Variants in SLC22A15 observed in about 807,000 individuals in gnomAD.
SLC22A15 encodes flipt 1.
A neutral mutation model predicts 62.7 loss-of-function variants in SLC22A15; 45 were observed. The ratio of observed to expected loss-of-function variants is 0.72; its 90% confidence interval spans 0.56 to 0.92. The LOEUF (loss-of-function observed/expected upper bound fraction) is 0.92, where lower values mean the gene tolerates loss of function less well. SLC22A15 is among the 40% of genes least tolerant of loss of function. SLC22A15 has a pLI of 0.00. For synonymous variants in SLC22A15, 264 were observed against 267.0 expected (o/e 0.99, Z 0.11); for missense variants, 622 against 665.6 (o/e 0.93, Z 0.72).
At chr1:116,048,257 GATC>G (rs1461908664) in intron 8 of SLC22A15, among the ~76,000 whole-genome samples, 52 of 152,164 alleles carry the variant, frequency 3.4e-4, no homozygotes, top group Non-Finnish European at 1.5e-5. Flanking sequence ...ATCACAAAAA[GATC>G]ATCACCTAGG....
chr1:115,992,001 G>A (rs749492051), intron 1 of SLC22A15, 30 bp from the exon 2 acceptor site: 5 of 1,590,510 alleles, frequency 3.1e-6, no homozygotes, highest in East Asian at 2.2e-5. Context: ...AATATCTGCA[G>A]TGTTTGGTTC....
chr1:115,978,031 A>G (rs1006365142), intron 1 of SLC22A15, among the ~76,000 whole-genome samples: 1 of 152,118 alleles, frequency 6.6e-6, no homozygotes, highest in African/African-American at 2.4e-5. Context: ...CCCCAGGGAG[A>G]AAAAACGTTC....
intron 8 of SLC22A15, among the ~76,000 whole-genome samples, chr1:116,052,630 C>A (rs899153532): frequency 6.6e-6 from 1 of 152,210 alleles, no homozygotes; most frequent in South Asian, 2.1e-4. Context: ...CCCTGACCCC[C>A]GAGCAGCCTA....
chr1:115,991,848 G>A (rs866353107), intron 1 of SLC22A15, among the ~76,000 whole-genome samples, 183 bp from the exon 2 acceptor site: 6 of 152,340 alleles, frequency 3.9e-5, no homozygotes, highest in Middle Eastern at 3.4e-3. Context: ...GATTCTGTTC[G>A]TGGTAGATCA....
chr1:116,060,849 C>T (rs143284161), intron 8 of SLC22A15, among the ~76,000 whole-genome samples: 170 of 152,284 alleles, frequency 1.1e-3, no homozygotes, highest in Admixed American at 1.8e-3. Context: ...GAGCTAACAT[C>T]GTCTTCCAAA....
chr1:115,981,417 C>G (rs186867747), intron 1 of SLC22A15, among the ~76,000 whole-genome samples: 9 of 152,298 alleles, frequency 5.9e-5, no homozygotes, highest in African/African-American at 2.2e-4. Flanking sequence ...ACACAGTGGC[C>G]TGGAGGTTGG....
chr1:116,069,040 C>T lies in SLC22A15; in HGVS notation c.*1932C>T, dbSNP rs1241139184. The T allele has an allele frequency of 6.6e-6, 1 of 152,178 alleles. No individual in the cohort carries two copies. The highest frequency in any genetic ancestry group is 2.4e-5 in the African/African-American group (1 of 41,454). The allele number at this position is 152,178 out of a possible 1,614,324, so 9.4% of individuals were successfully genotyped here. ...GTTATGACTTTGTTCCATTTGAAGA[C>T]TAATTGGGAGTCCATCTCTCTATTG... On this transcript the variant is annotated 3_prime_UTR_variant, in exon 12 of 12. Coordinates refer to ENST00000369503, the MANE Select transcript of SLC22A15 (RefSeq NM_018420.3).
At chr1:116,000,560 G>A (rs1186912793) in intron 2 of SLC22A15, among the ~76,000 whole-genome samples, 1 of 147,174 alleles carries the variant, frequency 6.8e-6, no homozygotes, top group Non-Finnish European at 1.5e-5. Context: ...ATAATATTCT[G>A]TATTTGTCTG....
intron 1 of SLC22A15, among the ~76,000 whole-genome samples, chr1:115,986,312 G>T (rs1378328512): frequency 6.6e-6 from 1 of 152,116 alleles, no homozygotes; most frequent in Non-Finnish European, 1.5e-5. Flanking sequence ...ATAGCAGTGT[G>T]TTGGGTTCTT....
intron 8 of SLC22A15, among the ~76,000 whole-genome samples, chr1:116,059,166 C>T (rs1658309991): frequency 6.6e-6 from 1 of 152,082 alleles, no homozygotes; most frequent in African/African-American, 2.4e-5. Context: ...ATTAAAATGA[C>T]AAAAATTACA....
chr1:116,032,465 G>A (rs772686933), intron 6 of SLC22A15: 3 of 985,108 alleles, frequency 3.0e-6, no homozygotes, highest in Non-Finnish European at 3.6e-6. Flanking sequence ...TTTCATGCAG[G>A]GATAAAGGAA....
intron 4 of SLC22A15, among the ~76,000 whole-genome samples, chr1:116,025,198 A>G (rs773113646): frequency 1.3e-5 from 2 of 152,142 alleles, no homozygotes; most frequent in Non-Finnish European, 2.9e-5. Flanking sequence ...TTCCTCTGAA[A>G]CCATCCCTCC....
Position 116,031,505 on chromosome 1 carries a change from A to G in SLC22A15, c.868A>G (p.Arg290Gly). 1 of 1,614,038 alleles carries G rather than the reference A, an allele frequency of 6.2e-7. No individual in the cohort carries two copies. Among genetic ancestry groups the G allele is most frequent in the Non-Finnish European group, 8.5e-7 (1 of 1,179,872 alleles). The change falls in exon 6 of 12, where the codon AGG becomes GGG. Residue 290 changes from arginine (R) to glycine (G), a missense_variant. By Grantham distance (125) the Arg-to-Gly change is moderately radical. Transcript: ENST00000369503. ...SLTHPANRSC[R>G]ETGSFLDLFR... ...AACACACCCAGCCAACAGGAGCTGC[A>G]GGGAGACTGGAAGTTTCCTGGATCT... is the stretch of plus-strand genomic sequence containing the variant.
chr1:116,038,299 A>G (rs1657686844), intron 8 of SLC22A15, among the ~76,000 whole-genome samples: 1 of 152,182 alleles, frequency 6.6e-6, no homozygotes, highest in Non-Finnish European at 1.5e-5. Context: ...TGCATGAAGA[A>G]TTCATTTTTT....
At chr1:116,003,622 G>A (rs554037035) in intron 2 of SLC22A15, among the ~76,000 whole-genome samples, 12 of 152,282 alleles carry the variant, frequency 7.9e-5, no homozygotes, top group African/African-American at 2.6e-4. Context: ...CCAATGCAAA[G>A]TTCCATTATC....
At position 116,027,694 on chromosome 1, in the gene SLC22A15, C is replaced by T. The variant is rs560825573; in HGVS notation, c.728+672C>T. On this transcript the variant is annotated intron_variant, in intron 5 of 11. Coordinates refer to ENST00000369503, the MANE Select transcript of SLC22A15 (RefSeq NM_018420.3). ...AGGCTGGAGTGCAATGGTGTGATCT[C>T]GGCTCACCGCAACCTCTGCCTCCTG... Among the ~76,000 whole-genome samples, 340 of 151,250 alleles carry T rather than the reference C, an allele frequency of 2.2e-3. 1 individual carries two copies. Among genetic ancestry groups the T allele is most frequent in the African/African-American group, 7.7e-3 (316 of 41,178 alleles).
chr1:116,054,558 A>G (rs1382699008), intron 8 of SLC22A15, among the ~76,000 whole-genome samples: 2 of 152,186 alleles, frequency 1.3e-5, no homozygotes, highest in Non-Finnish European at 2.9e-5. Flanking sequence ...AAGCTGACCT[A>G]ATAGACATCT....
chr1:115,979,043 G>A (rs1654468105), intron 1 of SLC22A15, among the ~76,000 whole-genome samples: 1 of 152,116 alleles, frequency 6.6e-6, no homozygotes, highest in Non-Finnish European at 1.5e-5. Context: ...CAGCTGAGAG[G>A]CACAAAACCA....
chr1:116,009,012 C>G (rs759079679), intron 2 of SLC22A15, among the ~76,000 whole-genome samples: 11 of 152,136 alleles, frequency 7.2e-5, no homozygotes, highest in Non-Finnish European at 1.6e-4. Context: ...TATTGCTGGT[C>G]AAGCTCAAAT....
Sources: gnomAD v4.1 joint callset for allele counts (sites outside exome capture counted in the v4.1 genomes callset) on GRCh38, gnomAD v4.1.1 for gene constraint, MANE v1.5 for transcripts, NCBI Gene and HGNC (gene_info 2026-07-23, HGNC 2026-07-21) for gene names.